MTRF1: variants seen among roughly 807,000 people sequenced by gnomAD.
MTRF1 encodes the protein peptide chain release factor 1, mitochondrial.
Under a neutral mutation model 62.9 loss-of-function variants are expected in MTRF1, and 51 were observed. The observed-to-expected ratio is 0.81, with a 90% CI of 0.65 to 1.02. The LOEUF (loss-of-function observed/expected upper bound fraction) is 1.02. Ranked by LOEUF, MTRF1 falls within the 50% of genes least tolerant of loss-of-function variation. The pLI, the probability that MTRF1 is intolerant of heterozygous loss-of-function variation, is 0.00. For missense variants in MTRF1, 446 were observed against 530.0 expected (o/e 0.84, Z 1.56); for synonymous variants, 158 against 181.9 (o/e 0.87, Z 1.06).
At position 41,252,736 on chromosome 13, in the gene MTRF1, T is replaced by C. The variant is rs1459736845; in HGVS notation, c.606A>G (p.Gln202=). The part of the protein sequence containing the change: ...GRTTGGDICQ[Q]FTREIFDMYQ... ...ACATGTCAAATATTTCTCGGGTAAA[T>C]TGTTGGCAGATGTCACCTAAAACAA... is the stretch of plus-strand genomic sequence containing the variant. The change falls in exon 5 of 10, where the codon CAA becomes CAG. Residue 202 remains glutamine (Q), a synonymous_variant. Transcript: ENST00000379480. 2.5e-6 allele frequency: 4 copies of C among 1,613,512 alleles called. No homozygotes were observed. The highest frequency in any genetic ancestry group is 1.7e-5 in the Admixed American group (1 of 59,944).
chr13:41,308,865 A>G, the MTRF1 span, among the ~76,000 whole-genome samples: 1 of 151,750 alleles, frequency 6.6e-6, no homozygotes, highest in Non-Finnish European at 1.5e-5. Flanking sequence ...TTTAATCTTC[A>G]CCCTCCTCCT....
At chr13:41,223,540 TATAGAATAAG>T (rs1383248924) in intron 8 of MTRF1, among the ~76,000 whole-genome samples, 186 bp from the exon 9 acceptor site, 1 of 149,268 alleles carries the variant, frequency 6.7e-6, no homozygotes, top group Non-Finnish European at 1.5e-5. Flanking sequence ...AGAGCTCGGT[TATAGAATAAG>T]AAGGAATGTT....
intron 3 of MTRF1, 64 bp downstream of exon 3, chr13:41,254,465 G>T: frequency 8.3e-7 from 1 of 1,208,076 alleles, no homozygotes; most frequent in Non-Finnish European, 1.2e-6. Flanking sequence ...CCGAAGCAGA[G>T]TCTAGCAAAA....
At chr13:41,256,523 C>T (rs1176050336) in intron 2 of MTRF1, among the ~76,000 whole-genome samples, 1 of 152,070 alleles carries the variant, frequency 6.6e-6, no homozygotes, top group African/African-American at 2.4e-5. Context: ...GACGGGGTTT[C>T]ACCATGTTGG....
At chr13:41,228,427 C>T (rs886505903) in intron 7 of MTRF1, among the ~76,000 whole-genome samples, 2 of 152,002 alleles carry the variant, frequency 1.3e-5, no homozygotes, top group East Asian at 1.9e-4. Context: ...AACTAGCCAG[C>T]GTGGTAGCTG....
At chr13:41,238,655 C>G (rs1566106118) in intron 6 of MTRF1, among the ~76,000 whole-genome samples, 1 of 152,240 alleles carries the variant, frequency 6.6e-6, no homozygotes, top group East Asian at 1.9e-4. Context: ...TAATTAGGAA[C>G]AGGATATATG....
At chr13:41,259,712 A>AAAAAAAAAAACAAAAACAAAAAAAAAC (rs1555268029) in intron 2 of MTRF1, among the ~76,000 whole-genome samples, 5 of 136,712 alleles carry the variant, frequency 3.7e-5, no homozygotes, top group African/African-American at 1.1e-4. Context: ...AAAAAAAAAA[A>AAAAAAAAAAACAAAAACAAAAAAAAAC]AAAAAAAAAC....
the MTRF1 span, among the ~76,000 whole-genome samples, chr13:41,274,923 T>G: frequency 5.3e-5 from 8 of 151,898 alleles, no homozygotes; most frequent in Admixed American, 5.3e-4. Context: ...TATTATTATT[T>G]TCATATCACT....
chr13:41,270,784 A>G, the MTRF1 span, among the ~76,000 whole-genome samples: 3 of 151,718 alleles, frequency 2.0e-5, no homozygotes, highest in Non-Finnish European at 4.4e-5. Context: ...CTCGTTGCCC[A>G]GGTTGGAGTG....
At chr13:41,257,936 T>A (rs1251132508) in intron 2 of MTRF1, 1 of 189,806 alleles carries the variant, frequency 5.3e-6, no homozygotes, top group Non-Finnish European at 1.2e-5. Flanking sequence ...AATGTAGCTA[T>A]TATTACTATT....
chr13:41,268,857 A>T, the MTRF1 span, among the ~76,000 whole-genome samples: 1 of 152,102 alleles, frequency 6.6e-6, no homozygotes, highest in Admixed American at 6.5e-5. Flanking sequence ...CTTTTTTTAC[A>T]TCAAGCCCAA....
the MTRF1 span, among the ~76,000 whole-genome samples, chr13:41,302,151 C>T: frequency 3.3e-5 from 5 of 152,142 alleles, no homozygotes; most frequent in East Asian, 1.9e-4. Context: ...CTCAGACTCC[C>T]GAGTAGCTGG....
rs140032966 is a variant in MTRF1 at position 41,248,225 on chromosome 13, G to A, written c.697+4420C>T. Among the ~76,000 whole-genome samples the A allele has an allele frequency of 9.5e-3, 1,439 of 152,246 alleles. 22 individuals carry two copies. Among genetic ancestry groups the A allele is most frequent in the African/African-American group, 0.033 (1,356 of 41,550 alleles). ...CAACCTCCACCTCCCGGGTTCAAGT[G>A]ATTCTCCTATCTCAGCCTCCTGAGT... On this transcript the variant is annotated intron_variant, in intron 5 of 9. Transcript: ENST00000379480.
chr13:41,218,196 A>G (rs1007876291), intron 9 of MTRF1, among the ~76,000 whole-genome samples: 1 of 149,676 alleles, frequency 6.7e-6, no homozygotes, highest in African/African-American at 2.5e-5. Context: ...GCTCACTGCA[A>G]CCTCTGCCTC....
the MTRF1 span, among the ~76,000 whole-genome samples, chr13:41,293,436 T>C: frequency 6.6e-6 from 1 of 152,216 alleles, no homozygotes; most frequent in Non-Finnish European, 1.5e-5. Context: ...CAGACAGTTT[T>C]ATATCTTTCT....
the MTRF1 span, among the ~76,000 whole-genome samples, chr13:41,274,197 CTT>C: frequency 2.6e-5 from 4 of 152,112 alleles, no homozygotes; most frequent in African/African-American, 9.7e-5. Context: ...TGCTATGTGA[CTT>C]TTGGTTACAA....
upstream of MTRF1, among the ~76,000 whole-genome samples, chr13:41,267,679 G>A (rs2139249976): frequency 6.6e-6 from 1 of 152,224 alleles, no homozygotes; most frequent in Non-Finnish European, 1.5e-5. Context: ...GACCAGCCTA[G>A]GCAACATGGC....
In MTRF1 at chr13:41,254,609, G is replaced by C; in HGVS notation, c.427C>G (p.Gln143Glu). 1 of 1,612,008 alleles carries C rather than the reference G, an allele frequency of 6.2e-7. No individual in the cohort carries two copies. The highest frequency in any genetic ancestry group is 8.5e-7 in the Non-Finnish European group (1 of 1,178,774). ...LESMCKSLNK[Q>E]DEKQLQELAL... Reference sequence around the variant, plus strand: ...AGTTCTTGTAACTGCTTTTCATCTTGTTTATTTAGGCCTAAAAGCCAGAAA... The same window carrying C: ...AGTTCTTGTAACTGCTTTTCATCTTCTTTATTTAGGCCTAAAAGCCAGAAA... Residue 143 changes from glutamine to glutamate, a missense_variant, in exon 3 of 10, where the codon CAA (glutamine) becomes GAA (glutamate). Gln to Glu is a conservative substitution (Grantham distance 29). Coordinates refer to ENST00000379480, the MANE Select transcript of MTRF1 (RefSeq NM_004294.4).
intron 2 of MTRF1, among the ~76,000 whole-genome samples, chr13:41,259,239 A>G (rs2040104163): frequency 1.3e-5 from 2 of 152,234 alleles, no homozygotes; most frequent in Middle Eastern, 3.2e-3. Flanking sequence ...TAGAGTTACC[A>G]CATGAACCAG....
Sources: allele counts gnomAD v4.1 joint callset (sites outside exome capture counted in the v4.1 genomes callset), GRCh38; gene constraint gnomAD v4.1.1; transcripts MANE v1.5; gene names NCBI Gene and HGNC (gene_info 2026-07-23, HGNC 2026-07-21).